Variants in SPATA45 observed in about 807,000 individuals in gnomAD.
The protein encoded by SPATA45 is spermatogenesis-associated protein 45.
A neutral mutation model predicts 7.0 loss-of-function variants in SPATA45; 5 were observed. The ratio of observed to expected loss-of-function variants is 0.71; its 90% CI spans 0.37 to 1.50. The LOEUF (loss-of-function observed/expected upper bound fraction) is 1.50, where lower values mean the gene tolerates loss of function less well. Among genes scored for constraint, SPATA45 ranks in the 40% most tolerant of loss-of-function variants. The pLI is 0.03. For missense variants in SPATA45, 111 were observed against 114.9 expected (o/e 0.97, Z 0.16); for synonymous variants, 40 against 38.7 (o/e 1.03, Z -0.13).
At chr1:212,843,704 TG>T (rs963067632) in intron 1 of SPATA45, among the ~76,000 whole-genome samples, 2 of 152,220 alleles carry the variant, frequency 1.3e-5, no homozygotes, top group Admixed American at 1.3e-4. Context: ...AAACTGGTCC[TG>T]TGTGTGACAT....
At chr1:212,838,928 C>G (rs1326279783) in intron 1 of SPATA45, among the ~76,000 whole-genome samples, 1 of 151,066 alleles carries the variant, frequency 6.6e-6, no homozygotes, top group Non-Finnish European at 1.5e-5. Flanking sequence ...AGTCTTGAAT[C>G]CTGGGCTCAA....
At position 212,830,459 on chromosome 1, in the gene SPATA45, C is replaced by G. The variant is rs961682823; in HGVS notation, c.278-198G>C. On this transcript the variant is annotated intron_variant, in intron 2 of 2. Transcript: ENST00000332912. ...AGCCGAGGTGGGCGGATCACGAGGT[C>G]AGGAGATCGAGACCATCCTGGCCAA... 6.0e-5 allele frequency among the ~76,000 whole-genome samples: 9 copies of G among 150,908 alleles called. No individual in the cohort carries two copies. In the Admixed American group the frequency reaches 6.0e-4, roughly 10 times the overall value.
intron 1 of SPATA45, among the ~76,000 whole-genome samples, chr1:212,839,336 G>A (rs1206564913): frequency 6.6e-6 from 1 of 150,914 alleles, no homozygotes; most frequent in Non-Finnish European, 1.5e-5. Flanking sequence ...GAAATATTAG[G>A]CTAGGTATGG....
intron 1 of SPATA45, among the ~76,000 whole-genome samples, chr1:212,847,236 A>G (rs1663816842): frequency 6.6e-6 from 1 of 152,002 alleles, no homozygotes; most frequent in Non-Finnish European, 1.5e-5. Flanking sequence ...GATCCTCATT[A>G]CTCATTGATT....
intron 1 of SPATA45, among the ~76,000 whole-genome samples, chr1:212,845,248 C>A (rs184449918): frequency 3.9e-4 from 60 of 152,256 alleles, no homozygotes; most frequent in Non-Finnish European, 6.2e-4. Context: ...ATTCTACTAC[C>A]CCTCAGGGAT....
intron 1 of SPATA45, among the ~76,000 whole-genome samples, chr1:212,840,979 T>G (rs1663671783): frequency 6.6e-6 from 1 of 151,684 alleles, no homozygotes; most frequent in Non-Finnish European, 1.5e-5. Flanking sequence ...TCTCTCTCTG[T>G]CTCCAGGATG....
chr1:212,846,549 A>G (rs971026023), intron 1 of SPATA45, among the ~76,000 whole-genome samples: 5 of 152,088 alleles, frequency 3.3e-5, no homozygotes, highest in Non-Finnish European at 5.9e-5. Context: ...CTGATATGAT[A>G]TATTCTCCCC....
At chr1:212,841,622 G>A (rs1040614007) in intron 1 of SPATA45, among the ~76,000 whole-genome samples, 4 of 141,526 alleles carry the variant, frequency 2.8e-5, no homozygotes, top group East Asian at 2.1e-4. Context: ...GCAAAGAAGA[G>A]GTATCTTTCT....
intron 1 of SPATA45, among the ~76,000 whole-genome samples, chr1:212,837,701 C>G (rs1005674192): frequency 6.6e-6 from 1 of 151,772 alleles, no homozygotes; most frequent in Non-Finnish European, 1.5e-5. Context: ...CTTTGGAAGG[C>G]CTAGGTGGGA....
rs537287142 is a variant in SPATA45, at chr1:212,838,351, G to A, written c.-38-2164C>T. Reference sequence around the variant, plus strand: ...CGTCATCATCAGTCACTAGGAAAGTGTAAATCAATACTACAATGAGATATC... The same window carrying A: ...CGTCATCATCAGTCACTAGGAAAGTATAAATCAATACTACAATGAGATATC... On this transcript the variant is annotated intron_variant, in intron 1 of 2. Transcript: ENST00000332912. Among the ~76,000 whole-genome samples, 14 of 150,318 alleles carry A rather than the reference G, an allele frequency of 9.3e-5. 1 individual carries two copies. Among genetic ancestry groups the A allele is most frequent in the Middle Eastern group, 3.4e-3 (1 of 294 alleles).
chr1:212,834,103 C>CA (rs1663546466), intron 2 of SPATA45, among the ~76,000 whole-genome samples: 1 of 151,702 alleles, frequency 6.6e-6, no homozygotes, highest in African/African-American at 2.4e-5. Context: ...TAACTCTAAA[C>CA]ACAGTGGAGA....
At chr1:212,836,865 G>C (rs1663595831) in intron 1 of SPATA45, among the ~76,000 whole-genome samples, 1 of 148,324 alleles carries the variant, frequency 6.7e-6, no homozygotes, top group Non-Finnish European at 1.5e-5. Context: ...CACCATATTG[G>C]CCAGGTTGGT....
intron 2 of SPATA45, among the ~76,000 whole-genome samples, chr1:212,830,536 G>A (rs1663467094): frequency 6.7e-6 from 1 of 150,154 alleles, no homozygotes; most frequent in African/African-American, 2.4e-5. Flanking sequence ...GCCGGGCGTC[G>A]TGGCGCGCTC....
intron 1 of SPATA45, among the ~76,000 whole-genome samples, chr1:212,846,164 G>A (rs1051700501): frequency 6.6e-6 from 1 of 151,838 alleles, no homozygotes; most frequent in African/African-American, 2.4e-5. Context: ...TACGACAAAT[G>A]CCCCTTCTAA....
chr1:212,833,503 C>CAA (rs35760900), intron 2 of SPATA45, among the ~76,000 whole-genome samples: 6,796 of 108,636 alleles, frequency 0.063, 383 homozygotes, highest in Non-Finnish European at 0.094. Flanking sequence ...TACTAAAATA[C>CAA]AAAAAAAAAA....
intron 1 of SPATA45, among the ~76,000 whole-genome samples, chr1:212,843,290 C>CA (rs112677077): frequency 0.011 from 1,417 of 133,296 alleles, 5 homozygotes; most frequent in Middle Eastern, 0.022. Flanking sequence ...CACTCCATCT[C>CA]AAAAAAAAAA....
chr1:212,830,164 T>C lies in SPATA45; in HGVS notation c.*78A>G. The C allele has an allele frequency of 9.5e-7, 1 of 1,054,588 alleles. No homozygotes were observed. The allele number at this position is 1,054,588 out of a possible 1,614,324, so 65.3% of individuals were successfully genotyped here. ...ACTTTTGTTTAGCTTTGTTTATAAT[T>C]AATAATTTGTAAATAATTTAGACAC... On this transcript the variant is annotated 3_prime_UTR_variant, in exon 3 of 3. Coordinates refer to ENST00000332912, the MANE Select transcript of SPATA45 (RefSeq NM_001024601.3).
chr1:212,835,137 T>G (rs915961239), intron 2 of SPATA45, among the ~76,000 whole-genome samples: 1 of 151,746 alleles, frequency 6.6e-6, no homozygotes, highest in African/African-American at 2.4e-5. Context: ...CTTTATGCTA[T>G]ACCAGGGCAA....
chr1:212,846,459 A>G (rs1571995015), intron 1 of SPATA45, among the ~76,000 whole-genome samples: 1 of 152,212 alleles, frequency 6.6e-6, no homozygotes, highest in East Asian at 1.9e-4. Context: ...GTCTGAAGCA[A>G]CTGAATATCC....
Sources: allele counts gnomAD v4.1 joint callset (sites outside exome capture counted in the v4.1 genomes callset), GRCh38; gene constraint gnomAD v4.1.1; transcripts MANE v1.5; gene names NCBI Gene and HGNC (gene_info 2026-07-23, HGNC 2026-07-21).